The following TOPBP1 variants were observed in gnomAD, a reference collection of about 807,000 sequenced individuals.
TOPBP1 encodes DNA topoisomerase II binding protein 1.
A neutral mutation model predicts 167.7 loss-of-function variants in TOPBP1; 28 were observed. The observed-to-expected ratio is 0.17, with a 90% CI of 0.12 to 0.23. The LOEUF is 0.23. TOPBP1 is among the 10% of genes least tolerant of loss of function. The pLI is 1.00. For missense variants in TOPBP1, 1,554 were observed against 1,809.6 expected, an observed-to-expected ratio of 0.86 and a Z score of 2.56; for synonymous variants, 598 against 611.4, an observed-to-expected ratio of 0.98 and a Z score of 0.32.
rs753304990 is a variant in TOPBP1 at position 133,653,387 on chromosome 3, G to A, written c.880C>T (p.Pro294Ser). ...TGGCTGGTAGGAGTTGAAGAATTGG[G>A]CATAGTCTTTGCTTCTGGTCTAGGT... ...TEPRPEAKTM[P>S]NSSTPTSQIN... The change falls in exon 7 of 28, where the codon CCC becomes TCC. Residue 294 changes from proline (P) to serine (S), a missense_variant. Physicochemically the swap from Pro to Ser is moderately conservative, Grantham distance 74. Around this residue, in one of 3 missense-constraint regions of TOPBP1, gnomAD observed 1,197 missense variants for 1,351.5 expected, o/e 0.89. Coordinates refer to ENST00000260810, the MANE Select transcript of TOPBP1 (RefSeq NM_007027.4). The A allele has an allele frequency of 2.5e-6, 4 of 1,609,562 alleles. No individual in the cohort carries two copies. Among genetic ancestry groups the A allele is most frequent in the South Asian group, 1.1e-5 (1 of 90,242 alleles).
Position 133,608,214 on chromosome 3 carries a change from G to C in TOPBP1, c.4425+321C>G, listed in dbSNP as rs370321019. Among the ~76,000 whole-genome samples the C allele has an allele frequency of 2.4e-4, 36 of 152,112 alleles. 1 individual carries two copies. Among genetic ancestry groups the C allele is most frequent in the African/African-American group, 6.7e-4 (28 of 41,506 alleles). Reference sequence around the variant, plus strand: ...CAGTCAAGAAAACTAAAGGACCTTTGGATAAATGTTTCTCCTTGGACTCCT... The same window carrying C: ...CAGTCAAGAAAACTAAAGGACCTTTCGATAAATGTTTCTCCTTGGACTCCT... On this transcript the variant is annotated intron_variant, in intron 27 of 27. Coordinates refer to ENST00000260810, the MANE Select transcript of TOPBP1 (RefSeq NM_007027.4).
rs150568980 is a variant in TOPBP1, at chr3:133,640,221, G to C, written c.2022-51C>G. ...AAATGGTCACATATACAATTAACCC[G>C]CAAAACTAACAAAATTTCCAACACA... On this transcript the variant is annotated intron_variant, in intron 12 of 27. Coordinates refer to ENST00000260810, the MANE Select transcript of TOPBP1 (RefSeq NM_007027.4). The C allele has an allele frequency of 1.1e-5, 17 of 1,480,042 alleles. No individual in the cohort carries two copies. The African/African-American group carries it at 1.8e-4, about 16-fold the overall frequency. The allele number at this position is 1,480,042 out of a possible 1,614,324, so 91.7% of individuals were successfully genotyped here. A position where few individuals can be genotyped will look rare whatever the true frequency, so the allele number is the denominator to read the frequency against.
At chr3:133,621,424 TAA>T (rs953467052) in intron 19 of TOPBP1, among the ~76,000 whole-genome samples, 2 of 151,952 alleles carry the variant, frequency 1.3e-5, no homozygotes, top group South Asian at 2.1e-4. Context: ...TTTAAAGACA[TAA>T]AAATGAAAAA....
chr3:133,635,759 C>G (rs1935650866), intron 14 of TOPBP1, among the ~76,000 whole-genome samples: 1 of 152,128 alleles, frequency 6.6e-6, no homozygotes, highest in Non-Finnish European at 1.5e-5. Flanking sequence ...AAATATAACC[C>G]AACAATTTCA....
chr3:133,604,563 GAAACAGAA>G (rs2107765899), intron 27 of TOPBP1, among the ~76,000 whole-genome samples: 1 of 151,842 alleles, frequency 6.6e-6, no homozygotes, highest in African/African-American at 2.4e-5. Flanking sequence ...GACATAAAAT[GAAACAGAA>G]AATAGGAAAA....
intron 19 of TOPBP1, among the ~76,000 whole-genome samples, chr3:133,620,912 T>A (rs1289526825): frequency 6.6e-6 from 1 of 151,980 alleles, no homozygotes; most frequent in East Asian, 1.9e-4. Flanking sequence ...GTAGTGATTA[T>A]CCCTCTGTAA....
chr3:133,654,483 T>C (rs967961837), intron 6 of TOPBP1, among the ~76,000 whole-genome samples: 2 of 152,174 alleles, frequency 1.3e-5, no homozygotes, highest in Admixed American at 1.3e-4. Context: ...AACAGCAGTA[T>C]CAACTCTACT....
chr3:133,602,892 AT>A lies in TOPBP1; in HGVS notation c.4426-1500del, dbSNP rs11458236. Among the ~76,000 whole-genome samples, 1,142 of 121,442 alleles carry A rather than the reference AT, an allele frequency of 9.4e-3. 7 individuals carry two copies. The highest frequency in any genetic ancestry group is 0.025 in the African/African-American group (804 of 32,290). 79.7% of individuals were successfully genotyped at this position (121,442 alleles called of 152,430 possible). ...GGATGCAAGAGATCTACCTTTTTTC[AT>A]TTTTTTTTTTTTTTTTTTTGAGACA... On this transcript the variant is annotated intron_variant, in intron 27 of 27. Coordinates refer to ENST00000260810, the MANE Select transcript of TOPBP1 (RefSeq NM_007027.4).
chr3:133,653,280 T>C, intron 7 of TOPBP1, 65 bp downstream of exon 7: 2 of 1,396,796 alleles, frequency 1.4e-6, no homozygotes, highest in East Asian at 2.5e-5. Flanking sequence ...CCTATTAACA[T>C]ACTGATTATT....
intron 27 of TOPBP1, among the ~76,000 whole-genome samples, chr3:133,606,716 G>A (rs1002784299): frequency 6.6e-6 from 1 of 151,870 alleles, no homozygotes; most frequent in South Asian, 2.1e-4. Flanking sequence ...ACAAAAATAC[G>A]ATCATTTGAT....
At chr3:133,626,209 A>T (rs1935262127) in intron 16 of TOPBP1, among the ~76,000 whole-genome samples, 1 of 152,246 alleles carries the variant, frequency 6.6e-6, no homozygotes, top group Admixed American at 6.5e-5. Flanking sequence ...GCTGTATTCC[A>T]ATAAAACTTT....
At chr3:133,619,437 T>C (rs1005976186) in intron 20 of TOPBP1, among the ~76,000 whole-genome samples, 1 of 152,212 alleles carries the variant, frequency 6.6e-6, no homozygotes, top group Non-Finnish European at 1.5e-5. Context: ...CCCATAATTC[T>C]TATCACACAA....
intron 19 of TOPBP1, among the ~76,000 whole-genome samples, chr3:133,620,576 CT>C (rs532343890): frequency 0.073 from 9,837 of 134,954 alleles, 321 homozygotes; most frequent in Middle Eastern, 0.12. Flanking sequence ...CCTTCAAATA[CT>C]TTTTTTTTTT....
chr3:133,629,937 C>T (rs1267782389), intron 14 of TOPBP1, among the ~76,000 whole-genome samples: 1 of 151,998 alleles, frequency 6.6e-6, no homozygotes, highest in Non-Finnish European at 1.5e-5. Flanking sequence ...CAGGCATGCA[C>T]CACCATGCCT....
rs3192152 is a variant in TOPBP1, at chr3:133,617,233, A to G, written c.3686T>C (p.Ile1229Thr). Residue 1229 changes from isoleucine to threonine, a missense_variant, in exon 22 of 28, where the codon ATC becomes ACC. Physicochemically the swap from Ile to Thr is moderately conservative, Grantham distance 89. This residue lies in a region of TOPBP1 where 351 missense variants were observed against 432.9 expected (regional missense o/e 0.81). Coordinates refer to ENST00000260810, the MANE Select transcript of TOPBP1 (RefSeq NM_007027.4). ...LETPIKDSHL[I>T]PTPQAPSIAF... ...AATACTGGGGGCTTGAGGCGTAGGG[A>G]TCAGGTGGCTGTCTTTTATGGGAGT... is the stretch of plus-strand genomic sequence containing the variant. 1 of 1,613,834 alleles carries G rather than the reference A, an allele frequency of 6.2e-7. No individual in the cohort carries two copies. The highest frequency in any genetic ancestry group is 8.5e-7 in the Non-Finnish European group (1 of 1,179,838).
chr3:133,644,942 G>A (rs1251176367), intron 10 of TOPBP1, among the ~76,000 whole-genome samples: 2 of 152,164 alleles, frequency 1.3e-5, no homozygotes. Flanking sequence ...TGCATGTAAT[G>A]CTCACATAAT....
At position 133,612,338 on chromosome 3, in the gene TOPBP1, T is replaced by C. The variant is rs999312008; in HGVS notation, c.4035+51A>G. ...AACAGGTGTGAGCCACTGCACCCGGTGGACACTTGCTTTTAAAGAAAAATA... is the reference window on the plus strand; with the variant it reads ...AACAGGTGTGAGCCACTGCACCCGGCGGACACTTGCTTTTAAAGAAAAATA... On this transcript the variant is annotated intron_variant, in intron 24 of 27. Coordinates refer to ENST00000260810, the MANE Select transcript of TOPBP1 (RefSeq NM_007027.4). 6.2e-6 allele frequency: 10 copies of C among 1,602,582 alleles called. No homozygotes were observed. In the East Asian group the frequency reaches 1.3e-4, roughly 22 times the overall value.
intron 10 of TOPBP1, among the ~76,000 whole-genome samples, chr3:133,645,958 C>A (rs900334330): frequency 3.9e-5 from 6 of 151,974 alleles, no homozygotes; most frequent in Admixed American, 3.9e-4. Context: ...AGCAGCCTGG[C>A]CAACATGGAG....
intron 14 of TOPBP1, among the ~76,000 whole-genome samples, chr3:133,633,602 G>T (rs908327857): frequency 1.3e-5 from 2 of 152,148 alleles, no homozygotes; most frequent in African/African-American, 4.8e-5. Context: ...GCCAGTCTGA[G>T]CAATGTGGTA....
Sources: allele counts gnomAD v4.1 joint callset (sites outside exome capture counted in the v4.1 genomes callset), GRCh38; gene constraint gnomAD v4.1.1; regional missense constraint gnomAD v4.1.1; transcripts MANE v1.5; gene names NCBI Gene and HGNC (gene_info 2026-07-23, HGNC 2026-07-21).